Variants in CAMK1D observed in about 807,000 individuals in gnomAD.
CAMK1D encodes the protein calcium/calmodulin dependent protein kinase ID.
A neutral mutation model predicts 47.7 loss-of-function variants in CAMK1D; 9 were observed. The ratio of observed to expected loss-of-function variants is 0.19; its 90% CI spans 0.11 to 0.33. The LOEUF (loss-of-function observed/expected upper bound fraction) is 0.33. Among genes scored for constraint, CAMK1D ranks in the 10% least tolerant of loss-of-function variants. The pLI, the probability that CAMK1D is intolerant of heterozygous loss-of-function variation, is 1.00. For missense variants in CAMK1D, 291 were observed against 488.7 expected (o/e 0.60, Z 3.81); for synonymous variants, 184 against 184.9 (o/e 0.99, Z 0.04).
At chr10:12,521,070 C>T (rs1279584418) in intron 1 of CAMK1D, among the ~76,000 whole-genome samples, 1 of 152,016 alleles carries the variant, frequency 6.6e-6, no homozygotes, top group Non-Finnish European at 1.5e-5. Context: ...AAAGAGACAG[C>T]TTATAGTTTG....
chr10:12,721,108 G>A (rs1254033052), intron 3 of CAMK1D, among the ~76,000 whole-genome samples: 2 of 151,468 alleles, frequency 1.3e-5, no homozygotes, highest in African/African-American at 2.4e-5. Flanking sequence ...GCAAACATGC[G>A]CATGCCCAAT....
At chr10:12,471,133 C>G (rs911491502) in intron 1 of CAMK1D, among the ~76,000 whole-genome samples, 3 of 152,106 alleles carry the variant, frequency 2.0e-5, no homozygotes, top group Non-Finnish European at 4.4e-5. Flanking sequence ...CGATCTGAAG[C>G]TTGAGGCTGA....
chr10:12,722,139 T>C (rs1020856160), intron 3 of CAMK1D, among the ~76,000 whole-genome samples: 4 of 152,026 alleles, frequency 2.6e-5, no homozygotes, highest in African/African-American at 9.7e-5. Flanking sequence ...AGACAGTCCA[T>C]GGTAGACTTT....
intron 5 of CAMK1D, among the ~76,000 whole-genome samples, chr10:12,782,711 G>A (rs932378006): frequency 3.3e-5 from 5 of 152,184 alleles, no homozygotes; most frequent in Non-Finnish European, 5.9e-5. Context: ...TGATCTGAGC[G>A]TCTAACCCTG....
intron 6 of CAMK1D, among the ~76,000 whole-genome samples, chr10:12,804,937 CAAAAA>C (rs145584740): frequency 1.4e-4 from 7 of 51,056 alleles, no homozygotes; most frequent in Non-Finnish European, 1.9e-4. Context: ...GACCCTGTCT[CAAAAA>C]AAAAAAAAAA....
intron 2 of CAMK1D, among the ~76,000 whole-genome samples, chr10:12,631,800 C>T (rs559611037): frequency 4.0e-5 from 6 of 151,678 alleles, no homozygotes; most frequent in Non-Finnish European, 8.8e-5. Flanking sequence ...CAATTCTGAT[C>T]GTGTAAGTGC....
At position 12,647,145 on chromosome 10, in the gene CAMK1D, CTTTTTTTTT is replaced by C. The variant is rs397693477; in HGVS notation, c.225-19577_225-19569del. Among the ~76,000 whole-genome samples the C allele has an allele frequency of 1.7e-4, 13 of 76,824 alleles. No individual in the cohort carries two copies. In the South Asian group the frequency reaches 6.5e-3, roughly 38 times the overall value. The allele number at this position is 76,824 out of a possible 152,430, so 50.4% of individuals were successfully genotyped here. A position where few individuals can be genotyped will look rare whatever the true frequency, so the allele number is the denominator to read the frequency against. On this transcript the variant is annotated intron_variant, in intron 2 of 10. Transcript: ENST00000619168. ...CGTGAGCCTCCTTGCCCAGGCTAGC[CTTTTTTTTT>C]TTTTTTTTTTTTTGAAATGGAGTCT...
chr10:12,648,425 C>T (rs779062778), intron 2 of CAMK1D, among the ~76,000 whole-genome samples: 3 of 152,146 alleles, frequency 2.0e-5, no homozygotes, highest in Non-Finnish European at 4.4e-5. Context: ...ATGGCTACTC[C>T]GCTAGATGGA....
intron 1 of CAMK1D, among the ~76,000 whole-genome samples, chr10:12,439,261 G>C (rs1158082247): frequency 1.3e-5 from 2 of 152,130 alleles, no homozygotes; most frequent in African/African-American, 4.8e-5. Flanking sequence ...GGCTGCATAC[G>C]TCTCAGAGCC....
chr10:12,380,914 A>G (rs1392732818), intron 1 of CAMK1D, among the ~76,000 whole-genome samples: 2 of 152,182 alleles, frequency 1.3e-5, no homozygotes, highest in Non-Finnish European at 2.9e-5. Context: ...GAAGGCTCAC[A>G]CATTTAGTAA....
At chr10:12,561,027 C>A (rs932773937) in intron 2 of CAMK1D, among the ~76,000 whole-genome samples, 31 of 152,060 alleles carry the variant, frequency 2.0e-4, no homozygotes, top group Non-Finnish European at 3.8e-4. Flanking sequence ...CATTCTCCTG[C>A]CTCAGCCTCC....
intron 3 of CAMK1D, among the ~76,000 whole-genome samples, chr10:12,676,055 C>T (rs1390795104): frequency 1.3e-5 from 2 of 152,130 alleles, no homozygotes; most frequent in Non-Finnish European, 2.9e-5. Context: ...CGGGTTCAAG[C>T]GATTCTCCTG....
chr10:12,567,612 A>G (rs1282145321), intron 2 of CAMK1D, among the ~76,000 whole-genome samples: 1 of 152,168 alleles, frequency 6.6e-6, no homozygotes, highest in East Asian at 1.9e-4. Flanking sequence ...TGTTCTTTCT[A>G]ATGAGTTCTT....
chr10:12,406,722 C>CAAAAAAAAAAAAAAAAAAAA (rs3061400), intron 1 of CAMK1D, among the ~76,000 whole-genome samples: 1 of 69,232 alleles, frequency 1.4e-5, no homozygotes, highest in African/African-American at 7.0e-5. Flanking sequence ...GACCCTGTCT[C>CAAAAAAAAAAAAAAAAAAAA]AAAAAAAAAA....
intron 3 of CAMK1D, among the ~76,000 whole-genome samples, chr10:12,759,511 G>C (rs942747755): frequency 3.9e-5 from 6 of 152,172 alleles, no homozygotes; most frequent in African/African-American, 1.4e-4. Flanking sequence ...AGAGAAGTTG[G>C]TGTCAGGAGG....
rs1211648528 is a variant in CAMK1D, at chr10:12,831,817, CAT to C, written c.*2931_*2932del. 5 of 152,314 alleles carry C rather than the reference CAT, an allele frequency of 3.3e-5. No homozygotes were observed. The South Asian group carries it at 1.0e-3, about 32-fold the overall frequency. 9.4% of individuals were successfully genotyped at this position (152,314 alleles called of 1,614,324 possible). A position where few individuals can be genotyped will look rare whatever the true frequency, so the allele number is the denominator to read the frequency against. ...GCTCTTGTGCTTTTGAGAGAGCTCT[CAT>C]GTTAAAAAGAGGTTGTCTTTGCACT... On this transcript the variant is annotated 3_prime_UTR_variant, in exon 11 of 11. Coordinates refer to ENST00000619168, the MANE Select transcript of CAMK1D (RefSeq NM_153498.4).
intron 8 of CAMK1D, among the ~76,000 whole-genome samples, chr10:12,824,111 G>A (rs867297000): frequency 5.3e-5 from 8 of 152,048 alleles, no homozygotes; most frequent in Non-Finnish European, 8.8e-5. Flanking sequence ...GAGGGGATGA[G>A]GGGGAGGGAG....
chr10:12,362,295 C>G (rs998166938), intron 1 of CAMK1D, among the ~76,000 whole-genome samples: 1 of 152,134 alleles, frequency 6.6e-6, no homozygotes, highest in Non-Finnish European at 1.5e-5. Context: ...CACCATCTGT[C>G]TCAGTGAATT....
intron 3 of CAMK1D, among the ~76,000 whole-genome samples, chr10:12,715,981 G>C (rs901852809): frequency 2.6e-5 from 4 of 152,070 alleles, no homozygotes; most frequent in African/African-American, 9.6e-5. Context: ...CAAGTGCTAG[G>C]ATTACAGGTG....
Sources: gnomAD v4.1 joint callset for allele counts (sites outside exome capture counted in the v4.1 genomes callset) on GRCh38, gnomAD v4.1.1 for gene constraint, MANE v1.5 for transcripts, NCBI Gene and HGNC (gene_info 2026-07-23, HGNC 2026-07-21) for gene names.